The following TTC27 variants were observed in gnomAD, a reference collection of about 807,000 sequenced individuals.
The protein encoded by TTC27 is tetratricopeptide repeat protein 27.
In TTC27, 79 loss-of-function variants were observed where a neutral mutation model predicts 115.9. The observed-to-expected ratio is 0.68, with a 90% CI of 0.57 to 0.82. TTC27 has a LOEUF of 0.82. TTC27 is among the 40% of genes least tolerant of loss of function. The probability of loss-of-function intolerance (pLI) is 0.00; values close to 1 mark genes in which losing one functional copy is unlikely to be tolerated. For synonymous variants in TTC27, 401 were observed against 356.0 expected (o/e 1.13, Z -1.42); for missense variants, 1,054 against 993.1 (o/e 1.06, Z -0.82).
At chr2:32,784,855 G>T (rs1395119893) in intron 15 of TTC27, among the ~76,000 whole-genome samples, 3 of 152,120 alleles carry the variant, frequency 2.0e-5, no homozygotes, top group Non-Finnish European at 4.4e-5. Context: ...AAAACTGTTG[G>T]AGGCAGTTGT....
chr2:32,779,746 C>T (rs1670112122), intron 14 of TTC27, among the ~76,000 whole-genome samples: 1 of 152,136 alleles, frequency 6.6e-6, no homozygotes, highest in Non-Finnish European at 1.5e-5. Context: ...AAGATGTACT[C>T]CTATCTTTTC....
Position 32,671,746 on chromosome 2 carries a change from G to C in TTC27, c.940-526G>C, listed in dbSNP as rs975668025. Among the ~76,000 whole-genome samples, 14 of 152,266 alleles carry C rather than the reference G, an allele frequency of 9.2e-5. No individual in the cohort carries two copies. In the East Asian group the frequency reaches 2.5e-3, roughly 27 times the overall value. ...TTCCATCATTGATAACAAGCTATTTGTGAGAAATTTCTCAACTGATCACAC... is the reference window on the plus strand; with the variant it reads ...TTCCATCATTGATAACAAGCTATTTCTGAGAAATTTCTCAACTGATCACAC... On this transcript the variant is annotated intron_variant, in intron 7 of 19. Coordinates refer to ENST00000317907, the MANE Select transcript of TTC27 (RefSeq NM_017735.5).
chr2:32,740,131 A>G (rs934041838), intron 12 of TTC27, among the ~76,000 whole-genome samples: 12 of 152,222 alleles, frequency 7.9e-5, no homozygotes, highest in African/African-American at 2.9e-4. Flanking sequence ...TTTAAAGGTT[A>G]TCCGACCCAC....
chr2:32,753,055 C>T (rs540432369), intron 12 of TTC27, among the ~76,000 whole-genome samples: 9 of 152,276 alleles, frequency 5.9e-5, no homozygotes, highest in African/African-American at 1.9e-4. Flanking sequence ...GCATTACTCA[C>T]GTAGTTGCAA....
intron 2 of TTC27, among the ~76,000 whole-genome samples, 154 bp from the exon 3 acceptor site, chr2:32,633,722 T>A (rs1664303686): frequency 6.6e-6 from 1 of 152,170 alleles, no homozygotes; most frequent in Non-Finnish European, 1.5e-5. Flanking sequence ...TTGTTTTAAG[T>A]TTTAGAAATT....
intron 10 of TTC27, among the ~76,000 whole-genome samples, chr2:32,730,930 AC>A (rs1470849566): frequency 1.3e-5 from 2 of 151,924 alleles, no homozygotes; most frequent in Non-Finnish European, 2.9e-5. Context: ...CCAAGCCTTA[AC>A]TTTTGTATAT....
intron 4 of TTC27, among the ~76,000 whole-genome samples, chr2:32,647,458 C>G (rs1664907453): frequency 6.6e-6 from 1 of 152,132 alleles, no homozygotes; most frequent in East Asian, 1.9e-4. Flanking sequence ...TAAAAACTGT[C>G]TGAAATTTCT....
intron 13 of TTC27, among the ~76,000 whole-genome samples, chr2:32,773,696 C>T (rs1669903865): frequency 6.6e-6 from 1 of 152,222 alleles, no homozygotes; most frequent in South Asian, 2.1e-4. Flanking sequence ...GTGTGGAAAG[C>T]TCATGGTGTC....
intron 15 of TTC27, among the ~76,000 whole-genome samples, chr2:32,786,128 T>G (rs1056270822): frequency 4.3e-4 from 15 of 35,002 alleles, no homozygotes; most frequent in African/African-American, 2.1e-3. Flanking sequence ...TTAAAATCAA[T>G]TTTTTTTTTT....
At chr2:32,661,981 C>G (rs528810315) in intron 5 of TTC27, among the ~76,000 whole-genome samples, 6 of 152,156 alleles carry the variant, frequency 3.9e-5, no homozygotes, top group African/African-American at 1.4e-4. Flanking sequence ...GCATGAAGGG[C>G]TGTTTAAGTT....
intron 10 of TTC27, among the ~76,000 whole-genome samples, chr2:32,709,053 G>A (rs944490497): frequency 2.0e-5 from 3 of 152,126 alleles, no homozygotes; most frequent in Admixed American, 6.6e-5. Context: ...GTATTTGATT[G>A]TAACTCAAAG....
At chr2:32,727,143 A>T (rs1010131019) in intron 10 of TTC27, among the ~76,000 whole-genome samples, 1 of 152,216 alleles carries the variant, frequency 6.6e-6, no homozygotes, top group African/African-American at 2.4e-5. Context: ...CAAGAAAAAA[A>T]TGAGAGTTTC....
Position 32,717,901 on chromosome 2 carries a change from C to A in TTC27, c.1233+14981C>A, listed in dbSNP as rs554259232. On this transcript the variant is annotated intron_variant, in intron 10 of 19. Coordinates refer to ENST00000317907, the MANE Select transcript of TTC27 (RefSeq NM_017735.5). The stretch of plus-strand genomic sequence containing the variant: ...CATGCAGCCTGGTTTCCGATCCCAG[C>A]GCTACCATATATTATACCTGCTTAT... Among the ~76,000 whole-genome samples, 4 of 152,228 alleles carry A rather than the reference C, an allele frequency of 2.6e-5. No individual in the cohort carries two copies. In the South Asian group the frequency reaches 8.3e-4, roughly 32 times the overall value.
rs543570193 is a variant in TTC27, at chr2:32,728,600, A to C, written c.1234-5228A>C. Among the ~76,000 whole-genome samples, 43 of 152,352 alleles carry C rather than the reference A, an allele frequency of 2.8e-4. No individual in the cohort carries two copies. In the South Asian group the frequency reaches 8.5e-3, roughly 30 times the overall value. ...GAGAAGCTGCTTTCAATTTTGACAC[A>C]TCTGACATTGATCACATAGTTTTAC... is the stretch of plus-strand genomic sequence containing the variant. On this transcript the variant is annotated intron_variant, in intron 10 of 19. Coordinates refer to ENST00000317907, the MANE Select transcript of TTC27 (RefSeq NM_017735.5).
intron 4 of TTC27, among the ~76,000 whole-genome samples, chr2:32,643,944 G>A (rs1436775702): frequency 4.0e-5 from 6 of 151,684 alleles, no homozygotes; most frequent in Non-Finnish European, 5.9e-5. Context: ...CTTTTGGGAG[G>A]TCGAGGCAGG....
intron 19 of TTC27, among the ~76,000 whole-genome samples, chr2:32,820,440 T>G (rs1418507639): frequency 1.3e-5 from 2 of 152,224 alleles, no homozygotes; most frequent in Non-Finnish European, 2.9e-5. Flanking sequence ...GGGTATGATT[T>G]ATATGAATTT....
chr2:32,713,429 C>G (rs1293323363), intron 10 of TTC27, among the ~76,000 whole-genome samples: 1 of 152,068 alleles, frequency 6.6e-6, no homozygotes, highest in African/African-American at 2.4e-5. Context: ...AAACTTAGTT[C>G]AGTCTTTGGA....
intron 2 of TTC27, among the ~76,000 whole-genome samples, chr2:32,632,448 C>T (rs907004816): frequency 6.6e-6 from 1 of 152,148 alleles, no homozygotes; most frequent in Non-Finnish European, 1.5e-5. Flanking sequence ...TAAAAAGAGA[C>T]ATTTCAGTTG....
rs1358354476 is a variant in TTC27, at chr2:32,673,286, A to G, written c.1052+902A>G. ...GTTGCCTAGGCTGGAGTGCAATGGC[A>G]CAATCTTGGCTCATTGCAACCTCCG... On this transcript the variant is annotated intron_variant, in intron 8 of 19. Coordinates refer to ENST00000317907, the MANE Select transcript of TTC27 (RefSeq NM_017735.5). Among the ~76,000 whole-genome samples the G allele has an allele frequency of 4.1e-5, 6 of 147,668 alleles. No individual in the cohort carries two copies. In the East Asian group the frequency reaches 1.2e-3, roughly 29 times the overall value.
Sources: gnomAD v4.1 joint callset for allele counts (sites outside exome capture counted in the v4.1 genomes callset) on GRCh38, gnomAD v4.1.1 for gene constraint, MANE v1.5 for transcripts, NCBI Gene and HGNC (gene_info 2026-07-23, HGNC 2026-07-21) for gene names.